SAXO1: variants seen among roughly 807,000 people sequenced by gnomAD.
SAXO1 encodes the protein stabilizer of axonemal microtubules 1.
In SAXO1, 21 loss-of-function variants were observed where a neutral mutation model predicts 17.5. That is an observed-to-expected ratio of 1.20 (90% CI 0.85 to 1.72). The LOEUF (loss-of-function observed/expected upper bound fraction) is 1.72, where lower values mean the gene tolerates loss of function less well. SAXO1 is among the 40% of genes most tolerant of loss of function. The probability of loss-of-function intolerance (pLI) is 0.00; values close to 1 mark genes in which losing one functional copy is unlikely to be tolerated. For missense variants in SAXO1, 843 were observed against 596.0 expected (o/e 1.41, Z -4.32); for synonymous variants, 274 against 216.5 (o/e 1.27, Z -2.33).
chr9:18,954,317 T>C (rs988100630), intron 1 of SAXO1, among the ~76,000 whole-genome samples: 3 of 152,044 alleles, frequency 2.0e-5, no homozygotes, highest in South Asian at 2.1e-4. Context: ...ACTTGGAGCA[T>C]TGGCTCCAAG....
chr9:18,995,357 G>C (rs1205289318), intron 1 of SAXO1, among the ~76,000 whole-genome samples: 2 of 152,210 alleles, frequency 1.3e-5, no homozygotes, highest in Admixed American at 6.5e-5. Context: ...GAACTTTCCA[G>C]AGGTCTTAGG....
At chr9:18,985,576 C>A (rs989921772) in intron 1 of SAXO1, among the ~76,000 whole-genome samples, 1 of 152,120 alleles carries the variant, frequency 6.6e-6, no homozygotes, top group Non-Finnish European at 1.5e-5. Flanking sequence ...TACAGGGCTC[C>A]TCGAGTGTAC....
Position 18,928,785 on chromosome 9 carries a change from T to C in SAXO1, c.692A>G (p.Glu231Gly). 1 of 1,614,116 alleles carries C rather than the reference T, an allele frequency of 6.2e-7. No homozygotes were observed. The highest frequency in any genetic ancestry group is 1.1e-5 in the South Asian group (1 of 91,078). ...AGTGGTAAGGCTTTCAAAGGGGATT[T>C]CACAGGGCCTGAACTTCTCTGCTTC... ...VHEAEKFRPCEIPFESLTTQK... is the reference protein window; with the variant it reads ...VHEAEKFRPCGIPFESLTTQK... Residue 231 changes from glutamate to glycine, a missense_variant, in exon 4 of 4, where the codon GAA (glutamate) becomes GGA (glycine). By Grantham distance (98) the Glu-to-Gly change is moderately conservative. Coordinates refer to ENST00000380534, the MANE Select transcript of SAXO1 (RefSeq NM_153707.4).
intron 1 of SAXO1, among the ~76,000 whole-genome samples, chr9:19,009,801 AG>A: frequency 6.6e-6 from 1 of 150,986 alleles, no homozygotes. Context: ...CCGTCTAAAG[AG>A]GTGAAGTCCA....
At chr9:18,984,313 G>A (rs538130689) in intron 1 of SAXO1, among the ~76,000 whole-genome samples, 3 of 152,230 alleles carry the variant, frequency 2.0e-5, no homozygotes, top group South Asian at 2.1e-4. Context: ...AGCTACATTC[G>A]CCCCTAACAA....
chr9:18,931,975 ATTATT>A (rs1249245858), intron 3 of SAXO1, among the ~76,000 whole-genome samples: 4 of 152,218 alleles, frequency 2.6e-5, no homozygotes, highest in South Asian at 2.1e-4. Context: ...TCATTTTCTT[ATTATT>A]TTAACAAAAC....
Position 18,941,718 on chromosome 9 carries a change from C to G in SAXO1, c.340G>C (p.Val114Leu). ...GGTTTGATGGGGTCCACTCGACAGA[C>G]AGGGTAGGGATTGTAATCTTTCTTA... ...TYKKDYNPYPVCRVDPIKPRD... is the reference protein window; with the variant it reads ...TYKKDYNPYPLCRVDPIKPRD... Residue 114 changes from valine (V) to leucine (L), a missense_variant, in exon 3 of 4, where the codon GTC becomes CTC. By Grantham distance (32) the Val-to-Leu change is conservative (BLOSUM62 1). Coordinates refer to ENST00000380534, the MANE Select transcript of SAXO1 (RefSeq NM_153707.4). 2.5e-6 allele frequency: 4 copies of G among 1,614,174 alleles called. No individual in the cohort carries two copies. Among genetic ancestry groups the G allele is most frequent in the Non-Finnish European group, 1.7e-6 (2 of 1,180,026 alleles).
chr9:18,968,393 G>C (rs1222636371), intron 1 of SAXO1, among the ~76,000 whole-genome samples: 1 of 152,180 alleles, frequency 6.6e-6, no homozygotes, highest in Non-Finnish European at 1.5e-5. Context: ...AATAGATGGA[G>C]AGATGTGTCA....
In SAXO1 at chr9:18,985,202, T is replaced by C. The variant is rs952960831; in HGVS notation, c.39-34265A>G. Among the ~76,000 whole-genome samples, 3 of 152,126 alleles carry C rather than the reference T, an allele frequency of 2.0e-5. No homozygotes were observed. The East Asian group carries it at 5.8e-4, about 29-fold the overall frequency. On this transcript the variant is annotated intron_variant, in intron 1 of 3. Transcript: ENST00000380534. ...TATTTATCAGTTGTTTGCTGTCTTA[T>C]ACGGGCGTGGCTCATGGCACCCTAA...
intron 2 of SAXO1, among the ~76,000 whole-genome samples, chr9:18,942,423 C>T (rs578022290): frequency 1.3e-5 from 2 of 152,266 alleles, no homozygotes; most frequent in African/African-American, 4.8e-5. Context: ...CGCTCTCCAC[C>T]TTCCTTCCAC....
At chr9:18,944,459 C>G (rs1441092297) in intron 2 of SAXO1, among the ~76,000 whole-genome samples, 2 of 152,162 alleles carry the variant, frequency 1.3e-5, no homozygotes, top group Admixed American at 6.5e-5. Flanking sequence ...TTTAGTCTCC[C>G]CAGAATTGCT....
intron 1 of SAXO1, among the ~76,000 whole-genome samples, chr9:19,025,932 A>G (rs539758699): frequency 1.3e-5 from 2 of 151,986 alleles, no homozygotes; most frequent in South Asian, 4.1e-4. Flanking sequence ...GAGCCTTCAT[A>G]TTGTACTCTA....
chr9:18,972,573 C>T (rs142996471), intron 1 of SAXO1, among the ~76,000 whole-genome samples: 6 of 152,254 alleles, frequency 3.9e-5, no homozygotes, highest in Non-Finnish European at 8.8e-5. Context: ...AAACTCAAAA[C>T]CTGAGGTTGT....
intron 1 of SAXO1, among the ~76,000 whole-genome samples, chr9:19,013,132 C>CAA: frequency 6.9e-6 from 1 of 144,094 alleles, no homozygotes; most frequent in African/African-American, 2.5e-5. Flanking sequence ...GGAACCACAC[C>CAA]AAAAAAAAAA....
At chr9:18,939,127 C>T (rs565485046) in intron 3 of SAXO1, among the ~76,000 whole-genome samples, 1 of 152,062 alleles carries the variant, frequency 6.6e-6, no homozygotes, top group Non-Finnish European at 1.5e-5. Context: ...AGTCCGCCAT[C>T]GGATATGCCA....
rs562772255 is a variant in SAXO1 at position 18,998,966 on chromosome 9, A to G, written c.38+33905T>C. ...AGCTCCTGAAGGAAGCACTAAATACAGAAAGGAACAACCAGTACCAGCCAC... is the reference window on the plus strand; with the variant it reads ...AGCTCCTGAAGGAAGCACTAAATACGGAAAGGAACAACCAGTACCAGCCAC... On this transcript the variant is annotated intron_variant, in intron 1 of 3. Coordinates refer to ENST00000380534, the MANE Select transcript of SAXO1 (RefSeq NM_153707.4). 3.0e-3 allele frequency among the ~76,000 whole-genome samples: 457 copies of G among 152,344 alleles called. 7 individuals are homozygous for G. The South Asian group carries it at 0.044, about 15-fold the overall frequency.
At chr9:18,933,769 G>A (rs560494416) in intron 3 of SAXO1, among the ~76,000 whole-genome samples, 240 of 152,226 alleles carry the variant, frequency 1.6e-3, no homozygotes, top group African/African-American at 5.4e-3. Flanking sequence ...TTTTTGGGCC[G>A]GGCACGGTGG....
intron 1 of SAXO1, among the ~76,000 whole-genome samples, chr9:19,023,103 T>A (rs968687324): frequency 4.0e-5 from 6 of 151,772 alleles, no homozygotes. Flanking sequence ...ATTCTTATCA[T>A]CAATATTTAA....
Position 19,033,059 on chromosome 9 carries a change from G to T in SAXO1, c.-151C>A. 1.3e-6 allele frequency: 1 copy of T among 772,136 alleles called. No homozygotes were observed. Among genetic ancestry groups the T allele is most frequent in the Non-Finnish European group, 2.0e-6 (1 of 509,552 alleles). 47.8% of individuals were successfully genotyped at this position (772,136 alleles called of 1,614,324 possible). ...GAAGGAAAATTTAAGTGGCCCTTTT[G>T]CAATGTCCTGTCGTCTGTTGCCCTC... On this transcript the variant is annotated 5_prime_UTR_variant, in exon 1 of 4. Transcript: ENST00000380534.
Sources: gnomAD v4.1 joint callset for allele counts (sites outside exome capture counted in the v4.1 genomes callset) on GRCh38, gnomAD v4.1.1 for gene constraint, MANE v1.5 for transcripts, NCBI Gene and HGNC (gene_info 2026-07-23, HGNC 2026-07-21) for gene names.